Variants in VPS53 observed in about 807,000 individuals in gnomAD.
The protein encoded by VPS53 is VPS53 subunit of GARP complex, also known as vacuolar protein sorting-associated protein 53 homolog.
In VPS53, 70 loss-of-function variants were observed where a neutral mutation model predicts 107.0. The ratio of observed to expected loss-of-function variants is 0.65; its 90% CI spans 0.54 to 0.80. The LOEUF (loss-of-function observed/expected upper bound fraction) is 0.80. Ranked by LOEUF, VPS53 falls within the 30% of genes least tolerant of loss-of-function variation. The probability of loss-of-function intolerance (pLI) is 0.00; values close to 1 mark genes in which losing one functional copy is unlikely to be tolerated. For missense variants in VPS53, 917 were observed against 1,049.4 expected (o/e 0.87, Z 1.74); for synonymous variants, 409 against 393.3 (o/e 1.04, Z -0.47).
chr17:593,540 C>T (rs1211157776), intron 12 of VPS53, among the ~76,000 whole-genome samples: 3 of 152,030 alleles, frequency 2.0e-5, no homozygotes, highest in Non-Finnish European at 4.4e-5. Flanking sequence ...TTTATGCAGC[C>T]AAAAAACACA....
intron 17 of VPS53, among the ~76,000 whole-genome samples, chr17:546,183 A>G (rs1948586276): frequency 6.6e-6 from 1 of 152,216 alleles, no homozygotes; most frequent in Non-Finnish European, 1.5e-5. Context: ...TCTTTGCCTC[A>G]CACCATATGC....
intron 11 of VPS53, among the ~76,000 whole-genome samples, chr17:617,300 G>C (rs1969186609): frequency 6.6e-6 from 1 of 152,222 alleles, no homozygotes. Flanking sequence ...GGGAAGGTCC[G>C]AGAGGAGAGC....
Position 627,199 on chromosome 17 carries a change from C to A in VPS53, c.949G>T (p.Ala317Ser). ...CTTGTCACATGGCAAAATTCCACCG[C>A]AATCCTCTCAGCCATGCACCACTCA... ...PREWCMAERI[A>S]VEFCHVTRAE... is the part of the protein sequence containing the mutation. The change falls in exon 10 of 22, where the codon GCG (alanine) becomes TCG (serine). Residue 317 changes from alanine (A) to serine (S), a missense_variant. By Grantham distance (99) the Ala-to-Ser change is moderately conservative. Transcript: ENST00000437048. The A allele has an allele frequency of 6.2e-7, 1 of 1,613,086 alleles. No individual in the cohort carries two copies. The highest frequency in any genetic ancestry group is 8.5e-7 in the Non-Finnish European group (1 of 1,179,666).
intron 4 of VPS53, among the ~76,000 whole-genome samples, chr17:686,935 C>T (rs919555923): frequency 2.0e-5 from 3 of 151,096 alleles, no homozygotes; most frequent in Non-Finnish European, 4.4e-5. Flanking sequence ...TTGCTTGAGG[C>T]CAGGAGTTTG....
chr17:553,212 A>G (rs1232511452), intron 16 of VPS53, 168 bp downstream of exon 16: 3 of 470,906 alleles, frequency 6.4e-6, no homozygotes, highest in Middle Eastern at 7.9e-4. Context: ...GTAGTGGAGA[A>G]AGGGCAGGCA....
chr17:551,244 G>C (rs1244678247), intron 17 of VPS53, among the ~76,000 whole-genome samples: 2 of 151,912 alleles, frequency 1.3e-5, no homozygotes, highest in Non-Finnish European at 1.5e-5. Flanking sequence ...AACATGAGAG[G>C]AACATGAGGT....
intron 11 of VPS53, among the ~76,000 whole-genome samples, chr17:615,143 T>G (rs1322837156): frequency 6.6e-6 from 1 of 152,194 alleles, no homozygotes; most frequent in African/African-American, 2.4e-5. Flanking sequence ...GCATTTTAAT[T>G]TATAGACTCT....
At position 562,628 on chromosome 17, in the gene VPS53, G is replaced by A; in HGVS notation, c.1431C>T (p.Tyr477=). 1 of 1,613,986 alleles carries A rather than the reference G, an allele frequency of 6.2e-7. No homozygotes were observed. The highest frequency in any genetic ancestry group is 8.5e-7 in the Non-Finnish European group (1 of 1,180,006). ...AGCATTGCACCATGCACTTCTTGTA[G>A]TAGACAAAGAGGTCGGCGCAGCTGG... ...VLPSCADLFV[Y]YKKCMVQCSQ... Residue 477 remains tyrosine (Y), a synonymous_variant, in exon 14 of 22, where the codon TAC becomes TAT. Coordinates refer to ENST00000437048, the MANE Select transcript of VPS53 (RefSeq NM_001128159.3).
intron 17 of VPS53, among the ~76,000 whole-genome samples, chr17:545,752 A>G (rs1053862082): frequency 9.2e-5 from 14 of 152,240 alleles, no homozygotes; most frequent in Non-Finnish European, 2.9e-5. Context: ...CAAGTTGTTC[A>G]AAGTTTAATA....
At chr17:655,550 CT>C (rs1971156213) in intron 6 of VPS53, among the ~76,000 whole-genome samples, 1 of 106,788 alleles carries the variant, frequency 9.4e-6, no homozygotes, top group Admixed American at 1.3e-4. Context: ...CCCTGTGTCA[CT>C]CTGTCTGCCT....
chr17:625,511 A>AAC (rs2143048527), intron 10 of VPS53, among the ~76,000 whole-genome samples: 2 of 150,978 alleles, frequency 1.3e-5, no homozygotes, highest in East Asian at 3.9e-4. Flanking sequence ...AATGTATGTG[A>AAC]ACACCAAGCG....
intron 4 of VPS53, among the ~76,000 whole-genome samples, chr17:681,361 T>A (rs948876889): frequency 5.3e-5 from 8 of 152,198 alleles, no homozygotes; most frequent in Admixed American, 1.3e-4. Flanking sequence ...GGTCTCGAAC[T>A]CCTGACCTCG....
chr17:554,293 C>T (rs558732353), intron 15 of VPS53, among the ~76,000 whole-genome samples: 1 of 152,188 alleles, frequency 6.6e-6, no homozygotes, highest in African/African-American at 2.4e-5. Flanking sequence ...ACGCTCCTGG[C>T]GCTCAAAGAA....
chr17:529,220 T>C (rs187530247), intron 19 of VPS53, among the ~76,000 whole-genome samples: 47 of 152,338 alleles, frequency 3.1e-4, no homozygotes, highest in African/African-American at 1.1e-3. Flanking sequence ...AGATCTGTTC[T>C]GTTGGCCTCT....
At chr17:646,276 G>A (rs62056514) in intron 7 of VPS53, among the ~76,000 whole-genome samples, 10,359 of 121,062 alleles carry the variant, frequency 0.086, 1,966 homozygotes, top group Non-Finnish European at 0.13. Context: ...ACTGGAGATC[G>A]GCTCCCACAC....
chr17:696,402 A>C lies in VPS53; in HGVS notation c.285+1016T>G, dbSNP rs994624809. ...TCCTCCCACTCCAAATCTGGGCAGC[A>C]GGATGAACATTTTTAGAAATTAGCT... is the stretch of plus-strand genomic sequence containing the variant. On this transcript the variant is annotated intron_variant, in intron 4 of 21. Transcript: ENST00000437048. Among the ~76,000 whole-genome samples, 4 of 152,258 alleles carry C rather than the reference A, an allele frequency of 2.6e-5. No individual in the cohort carries two copies. In the East Asian group the frequency reaches 7.7e-4, roughly 29 times the overall value.
rs1909012761 is a variant in VPS53, at chr17:524,824, G to A, written c.2086-3086C>T. Among the ~76,000 whole-genome samples the A allele has an allele frequency of 2.0e-5, 3 of 152,128 alleles. No homozygotes were observed. Among genetic ancestry groups the A allele is most frequent in the South Asian group, 4.2e-4 (2 of 4,818 alleles). On this transcript the variant is annotated intron_variant, in intron 19 of 21. Transcript: ENST00000437048. The surrounding 1 kb of genome is among the most constrained non-coding windows in gnomAD (Gnocchi z 4.5). ...CAGGTTGATAATCTAGTGTGGGCACGGCCACACTGAAATTCAGACTAGTGG... is the reference window on the plus strand; with the variant it reads ...CAGGTTGATAATCTAGTGTGGGCACAGCCACACTGAAATTCAGACTAGTGG...
intron 2 of VPS53, among the ~76,000 whole-genome samples, chr17:705,456 G>A (rs118073558): frequency 1.8e-3 from 278 of 152,058 alleles, no homozygotes; most frequent in Non-Finnish European, 3.3e-3. Flanking sequence ...ATCAGCTGGG[G>A]CTGGGCGCGG....
In VPS53 at chr17:517,613, G is replaced by C. The variant is rs527257063; in HGVS notation, c.*1515C>G. ...TGGCTCACTGCAGCCTCCACCTCCC[G>C]GGTTTAAGTGATTCTCCTGCCTCAG... On this transcript the variant is annotated 3_prime_UTR_variant, in exon 22 of 22. Transcript: ENST00000437048. The C allele has an allele frequency of 1.3e-5, 5 of 385,500 alleles. No homozygotes were observed. The highest frequency in any genetic ancestry group is 8.9e-5 in the Admixed American group (2 of 22,360). The allele number at this position is 385,500 out of a possible 1,614,324, so 23.9% of individuals were successfully genotyped here.
Sources: gnomAD v4.1 joint callset for allele counts (sites outside exome capture counted in the v4.1 genomes callset) on GRCh38, gnomAD v4.1.1 for gene constraint, Gnocchi (gnomAD v3.1) non-coding constraint, MANE v1.5 for transcripts, NCBI Gene and HGNC (gene_info 2026-07-23, HGNC 2026-07-21) for gene names.